Variants in MTARC1 observed in about 807,000 individuals in gnomAD.
The protein encoded by MTARC1 is mitochondrial amidoxime-reducing component 1.
In MTARC1, 24 loss-of-function variants were observed where a neutral mutation model predicts 33.6. The ratio of observed to expected loss-of-function variants is 0.72; its 90% CI spans 0.52 to 1.01. The LOEUF (loss-of-function observed/expected upper bound fraction) is 1.01. Ranked by LOEUF, MTARC1 falls within the 50% of genes least tolerant of loss-of-function variation. The probability of loss-of-function intolerance (pLI) is 0.00; values close to 1 mark genes in which losing one functional copy is unlikely to be tolerated. For synonymous variants in MTARC1, 187 were observed against 189.5 expected, an observed-to-expected ratio of 0.99 and a Z score of 0.11; for missense variants, 417 against 445.7, an observed-to-expected ratio of 0.94 and a Z score of 0.58.
intron 4 of MTARC1, among the ~76,000 whole-genome samples, chr1:220,800,041 T>G (rs2642440): frequency 0.29 from 43,843 of 152,114 alleles, 6,453 homozygotes; most frequent in African/African-American, 0.34. Flanking sequence ...CTTTCTCCCC[T>G]GTGTGATTTG....
intron 1 of MTARC1, chr1:220,790,807 G>C (rs1342742083): frequency 6.6e-6 from 1 of 152,166 alleles, no homozygotes; most frequent in Admixed American, 6.5e-5. Flanking sequence ...TGTTGTTCTT[G>C]TTCTGGAAAT....
At chr1:220,801,743 C>A (rs1401829716) in intron 4 of MTARC1, among the ~76,000 whole-genome samples, 2 of 152,090 alleles carry the variant, frequency 1.3e-5, no homozygotes, top group African/African-American at 2.4e-5. Flanking sequence ...CTGCCAGGAG[C>A]CTGGAGAAGG....
In MTARC1 at chr1:220,791,969, A is replaced by G. The variant is rs72470590; in HGVS notation, c.449+305A>G. Among the ~76,000 whole-genome samples the G allele has an allele frequency of 5.3e-5, 8 of 152,280 alleles. No individual in the cohort carries two copies. The East Asian group carries it at 1.2e-3, about 22-fold the overall frequency. ...TAACAGCACCCAAAGATCAAGCACA[A>G]AAATGGGGTGGGAGTGGTGGGGGCG... On this transcript the variant is annotated intron_variant, in intron 2 of 6. Transcript: ENST00000366910.
At chr1:220,810,536 G>T (rs1030987950) in intron 6 of MTARC1, among the ~76,000 whole-genome samples, 1 of 149,944 alleles carries the variant, frequency 6.7e-6, no homozygotes, top group Admixed American at 6.6e-5. Flanking sequence ...CCTGTGAGCC[G>T]GTGACCACAC....
At chr1:220,794,888 G>A (rs1243619746) in intron 2 of MTARC1, among the ~76,000 whole-genome samples, 1 of 152,156 alleles carries the variant, frequency 6.6e-6, no homozygotes, top group Non-Finnish European at 1.5e-5. Flanking sequence ...TTTTCTGCAT[G>A]AGTGTTACGC....
At chr1:220,794,945 A>G (rs996527120) in intron 2 of MTARC1, among the ~76,000 whole-genome samples, 1 of 152,212 alleles carries the variant, frequency 6.6e-6, no homozygotes. Context: ...GAATACACCA[A>G]TCTACTGCTT....
intron 6 of MTARC1, among the ~76,000 whole-genome samples, chr1:220,808,168 G>A (rs540540454): frequency 5.2e-4 from 79 of 152,264 alleles, no homozygotes; most frequent in Middle Eastern, 3.4e-3. Context: ...AACAGCCTCC[G>A]CAAAGCACTT....
chr1:220,798,670 A>T, intron 4 of MTARC1: 1 of 846,754 alleles, frequency 1.2e-6, no homozygotes, highest in Non-Finnish European at 1.4e-6. Context: ...TTGGTGGCCT[A>T]GAGGCATGGT....
chr1:220,796,559 C>T, intron 2 of MTARC1, 84 bp from the exon 3 acceptor site: 1 of 1,405,838 alleles, frequency 7.1e-7, no homozygotes. Flanking sequence ...CAGCTAGGAG[C>T]AGCTTTTCTG....
rs554664920 is a variant in MTARC1, at chr1:220,801,348, C to A, written c.753+3334C>A. On this transcript the variant is annotated intron_variant, in intron 4 of 6. Coordinates refer to ENST00000366910, the MANE Select transcript of MTARC1 (RefSeq NM_022746.4). ...CTTCACTGACCCCGCTCACCCAGCC[C>A]CCCCCACAGCACACACCCCACCTAA... is the stretch of plus-strand genomic sequence containing the variant. Among the ~76,000 whole-genome samples, 30 of 152,272 alleles carry A rather than the reference C, an allele frequency of 2.0e-4. No individual in the cohort carries two copies. In the South Asian group the frequency reaches 4.2e-3, roughly 21 times the overall value.
chr1:220,807,716 A>C (rs1673011948), intron 6 of MTARC1, among the ~76,000 whole-genome samples: 1 of 152,082 alleles, frequency 6.6e-6, no homozygotes, highest in South Asian at 2.1e-4. Flanking sequence ...TTCATAGTAA[A>C]ATTTTGGGGG....
intron 6 of MTARC1, among the ~76,000 whole-genome samples, chr1:220,805,886 G>T (rs551420146): frequency 6.6e-6 from 1 of 152,168 alleles, no homozygotes; most frequent in South Asian, 2.1e-4. Flanking sequence ...ATTTTAAATT[G>T]TATATAAAGA....
chr1:220,798,836 A>G, intron 4 of MTARC1: 3 of 985,180 alleles, frequency 3.0e-6, no homozygotes, highest in Non-Finnish European at 3.6e-6. Context: ...TAACAGGGAA[A>G]AATGGAATCA....
chr1:220,787,869 G>C (rs535388188), intron 1 of MTARC1, among the ~76,000 whole-genome samples: 114 of 151,756 alleles, frequency 7.5e-4, no homozygotes, highest in African/African-American at 2.7e-3. Flanking sequence ...TTAGCCGGGC[G>C]TAGTGGCGCG....
intron 6 of MTARC1, among the ~76,000 whole-genome samples, chr1:220,810,044 A>G (rs1311874523): frequency 6.6e-6 from 1 of 152,210 alleles, no homozygotes; most frequent in African/African-American, 2.4e-5. Context: ...CACCTTGTAA[A>G]TAATAGAGAC....
At chr1:220,796,913 C>G in intron 3 of MTARC1, 108 bp downstream of exon 3, 3 of 1,164,296 alleles carry the variant, frequency 2.6e-6, no homozygotes, top group Non-Finnish European at 3.6e-6. Context: ...GGGCAGCCCT[C>G]TGGTAGCTCA....
At chr1:220,798,042 C>T (rs1233434149) in intron 4 of MTARC1, 28 bp downstream of exon 4, 5 of 1,614,092 alleles carry the variant, frequency 3.1e-6, no homozygotes, top group Non-Finnish European at 4.2e-6. Flanking sequence ...TGGATCTTTC[C>T]TTGGATTTGA....
At chr1:220,791,383 C>A in intron 1 of MTARC1, 108 bp from the exon 2 acceptor site, 2 of 1,239,882 alleles carry the variant, frequency 1.6e-6, no homozygotes, top group Non-Finnish European at 1.1e-6. Flanking sequence ...ACACACCAGG[C>A]TTATGGGGAA....
In MTARC1 at chr1:220,814,000, C is replaced by T. The variant is rs1484930183; in HGVS notation, c.*582C>T. ...TAATTTTCCATAGATCTGGATCTGGCCCTGCTGCTTCTCAGACAGCATTGG... is the reference window on the plus strand; with the variant it reads ...TAATTTTCCATAGATCTGGATCTGGTCCTGCTGCTTCTCAGACAGCATTGG... On this transcript the variant is annotated 3_prime_UTR_variant, in exon 7 of 7. Transcript: ENST00000366910. 6.5e-6 allele frequency: 1 copy of T among 154,728 alleles called. No homozygotes were observed. The highest frequency in any genetic ancestry group is 1.4e-5 in the Non-Finnish European group (1 of 69,700). The allele number at this position is 154,728 out of a possible 1,614,324, so 9.6% of individuals were successfully genotyped here. A position where few individuals can be genotyped will look rare whatever the true frequency, so the allele number is the denominator to read the frequency against.
Sources: allele counts gnomAD v4.1 joint callset (sites outside exome capture counted in the v4.1 genomes callset), GRCh38; gene constraint gnomAD v4.1.1; transcripts MANE v1.5; gene names NCBI Gene and HGNC (gene_info 2026-07-23, HGNC 2026-07-21).